Variants in ABLIM3 observed in about 807,000 individuals in gnomAD.
ABLIM3 encodes actin-binding LIM protein 3.
A neutral mutation model predicts 109.5 loss-of-function variants in ABLIM3; 61 were observed. That is an observed-to-expected ratio of 0.56 (90% CI 0.45 to 0.69). The LOEUF is 0.69. Ranked by LOEUF, ABLIM3 falls within the 30% of genes least tolerant of loss-of-function variation. The pLI is 0.00. For missense variants in ABLIM3, 796 were observed against 889.5 expected (o/e 0.89, Z 1.34); for synonymous variants, 300 against 324.8 (o/e 0.92, Z 0.82).
At chr5:149,235,605 T>C (rs1404312626) in intron 10 of ABLIM3, among the ~76,000 whole-genome samples, 1 of 152,170 alleles carries the variant, frequency 6.6e-6, no homozygotes, top group Non-Finnish European at 1.5e-5. Flanking sequence ...CCAAAATGAA[T>C]AGTTATGGGT....
Position 149,142,077 on chromosome 5 carries a change from C to G in ABLIM3, c.-19C>G, listed in dbSNP as rs752654592. On this transcript the variant is annotated 5_prime_UTR_variant, in exon 2 of 24. Transcript: ENST00000309868. ...GGGGCCTCCGTATTGAATGAAAGACCCAGTGCAAAGACATCACCATGAACA... is the reference window on the plus strand; with the variant it reads ...GGGGCCTCCGTATTGAATGAAAGACGCAGTGCAAAGACATCACCATGAACA... 3 of 1,613,930 alleles carry G rather than the reference C, an allele frequency of 1.9e-6. No homozygotes were observed. Among genetic ancestry groups the G allele is most frequent in the Non-Finnish European group, 2.5e-6 (3 of 1,179,986 alleles).
intron 5 of ABLIM3, among the ~76,000 whole-genome samples, chr5:149,204,650 G>A (rs769093360): frequency 1.2e-4 from 19 of 152,196 alleles, no homozygotes; most frequent in Admixed American, 2.6e-4. Context: ...CAACAACCAC[G>A]TATTGGATTC....
At chr5:149,149,393 T>A (rs1753222717) in intron 2 of ABLIM3, among the ~76,000 whole-genome samples, 1 of 152,218 alleles carries the variant, frequency 6.6e-6, no homozygotes, top group African/African-American at 2.4e-5. Context: ...TAAAGCAAAG[T>A]TCTGGAAAGA....
chr5:149,187,855 T>C (rs899338036), intron 3 of ABLIM3, among the ~76,000 whole-genome samples: 2 of 152,144 alleles, frequency 1.3e-5, no homozygotes, highest in Non-Finnish European at 2.9e-5. Context: ...TCGGAATTTG[T>C]TTAGCCTGTG....
intron 3 of ABLIM3, among the ~76,000 whole-genome samples, chr5:149,184,558 C>T (rs1013566211): frequency 1.3e-5 from 2 of 152,138 alleles, no homozygotes; most frequent in African/African-American, 4.8e-5. Flanking sequence ...TGGAGTCTTC[C>T]TCTTTGATCC....
intron 7 of ABLIM3, among the ~76,000 whole-genome samples, chr5:149,211,341 C>G (rs1759537139): frequency 6.6e-6 from 1 of 152,140 alleles, no homozygotes; most frequent in South Asian, 2.1e-4. Flanking sequence ...AGACAACCTG[C>G]AAAACCCTTG....
intron 4 of ABLIM3, chr5:149,199,111 A>G (rs1561578411): frequency 2.2e-6 from 1 of 456,716 alleles, no homozygotes; most frequent in Non-Finnish European, 4.4e-6. Flanking sequence ...ATCACTTGTT[A>G]ATTCAGCAAG....
At position 149,255,965 on chromosome 5, in the gene ABLIM3, G is replaced by C. The variant is rs556676040; in HGVS notation, c.1939-2326G>C. On this transcript the variant is annotated intron_variant, in intron 23 of 23. Transcript: ENST00000309868. Reference sequence around the variant, plus strand: ...TAGGATGCTCCCATTTTCCAGAAAAGGAAATTGAAGTTCAGGAGGGGTTAG... The same window carrying C: ...TAGGATGCTCCCATTTTCCAGAAAACGAAATTGAAGTTCAGGAGGGGTTAG... Among the ~76,000 whole-genome samples the C allele has an allele frequency of 3.3e-5, 5 of 152,288 alleles. No individual in the cohort carries two copies. The East Asian group carries it at 9.6e-4, about 29-fold the overall frequency.
intron 7 of ABLIM3, chr5:149,216,547 T>G: frequency 6.2e-6 from 1 of 161,048 alleles, no homozygotes. Flanking sequence ...ATTGGTCCAA[T>G]GTTATTAAAT....
chr5:149,191,880 C>T (rs1303790500), intron 3 of ABLIM3, among the ~76,000 whole-genome samples: 2 of 152,024 alleles, frequency 1.3e-5, no homozygotes, highest in African/African-American at 2.4e-5. Context: ...TTTTTTGAGA[C>T]GGAGTCTTGC....
chr5:149,212,184 G>C (rs2127518345), intron 7 of ABLIM3, among the ~76,000 whole-genome samples: 1 of 152,334 alleles, frequency 6.6e-6, no homozygotes. Flanking sequence ...AAAGATTTCT[G>C]TGGTTACTGT....
At chr5:149,212,631 CT>C (rs1759677322) in intron 7 of ABLIM3, among the ~76,000 whole-genome samples, 1 of 152,132 alleles carries the variant, frequency 6.6e-6, no homozygotes, top group Non-Finnish European at 1.5e-5. Context: ...TGAGGGGCAG[CT>C]TGTGGACATG....
intron 2 of ABLIM3, among the ~76,000 whole-genome samples, chr5:149,148,773 G>T (rs138817522): frequency 3.9e-5 from 6 of 152,150 alleles, no homozygotes; most frequent in Non-Finnish European, 7.3e-5. Flanking sequence ...CTTGTCACAT[G>T]TGCCTTCTCC....
At chr5:149,215,729 C>T (rs917408147) in intron 7 of ABLIM3, among the ~76,000 whole-genome samples, 1 of 152,138 alleles carries the variant, frequency 6.6e-6, no homozygotes, top group East Asian at 1.9e-4. Context: ...AATATTTCTT[C>T]AAACAAGGCC....
In ABLIM3 at chr5:149,245,132, G is replaced by T. The variant is rs1753222922; in HGVS notation, c.1486+117G>T. On this transcript the variant is annotated intron_variant, in intron 16 of 23. Coordinates refer to ENST00000309868, the MANE Select transcript of ABLIM3 (RefSeq NM_014945.5). ...CATTCTGAATAAGAGTGCTTAGAGG[G>T]TTTATAACTAAGGGTGTTTATTCAT... The T allele has an allele frequency of 2.2e-6, 3 of 1,356,176 alleles. No individual in the cohort carries two copies. The South Asian group carries it at 4.0e-5, about 18-fold the overall frequency. The allele number at this position is 1,356,176 out of a possible 1,614,324, so 84.0% of individuals were successfully genotyped here.
intron 8 of ABLIM3, 152 bp from the exon 9 acceptor site, chr5:149,230,497 G>C (rs1761739553): frequency 1.4e-6 from 1 of 737,194 alleles, no homozygotes; most frequent in Admixed American, 2.1e-5. Flanking sequence ...AGGTCTGAGA[G>C]GTGCCAGGAG....
At chr5:149,154,610 T>A (rs747701223) in intron 2 of ABLIM3, among the ~76,000 whole-genome samples, 10 of 152,252 alleles carry the variant, frequency 6.6e-5, no homozygotes, top group Non-Finnish European at 1.5e-4. Context: ...TGGGCCTTCC[T>A]TGAATTCTGT....
intron 2 of ABLIM3, among the ~76,000 whole-genome samples, chr5:149,176,166 A>T (rs895152866): frequency 2.0e-5 from 3 of 152,082 alleles, no homozygotes; most frequent in Admixed American, 6.5e-5. Flanking sequence ...GGGACCCAGC[A>T]CACACACCTG....
chr5:149,223,497 G>A (rs1371732869), intron 8 of ABLIM3, among the ~76,000 whole-genome samples: 1 of 152,176 alleles, frequency 6.6e-6, no homozygotes, highest in Non-Finnish European at 1.5e-5. Flanking sequence ...AGCTATGTTA[G>A]GCAAAAGAAG....
Sources: allele counts gnomAD v4.1 joint callset (sites outside exome capture counted in the v4.1 genomes callset), GRCh38; gene constraint gnomAD v4.1.1; transcripts MANE v1.5; gene names NCBI Gene and HGNC (gene_info 2026-07-23, HGNC 2026-07-21).